The following IMMP2L variants were observed in gnomAD, a reference collection of about 807,000 sequenced individuals.
IMMP2L encodes inner mitochondrial membrane peptidase subunit 2, also known as mitochondrial inner membrane protease subunit 2.
A neutral mutation model predicts 19.3 loss-of-function variants in IMMP2L; 18 were observed. The ratio of observed to expected loss-of-function variants is 0.93; its 90% confidence interval spans 0.64 to 1.38. The LOEUF is 1.38. IMMP2L is among the 40% of genes most tolerant of loss of function. The probability of loss-of-function intolerance (pLI) is 0.00; values close to 1 mark genes in which losing one functional copy is unlikely to be tolerated. For synonymous variants in IMMP2L, 76 were observed against 73.0 expected (o/e 1.04, Z -0.21); for missense variants, 233 against 218.2 (o/e 1.07, Z -0.43).
intron 3 of IMMP2L, among the ~76,000 whole-genome samples, chr7:111,287,561 TA>T (rs1473167799): frequency 1.3e-5 from 2 of 148,740 alleles, no homozygotes; most frequent in East Asian, 4.0e-4. Flanking sequence ...AAAAAAAAAA[TA>T]AACAAACAAA....
intron 3 of IMMP2L, among the ~76,000 whole-genome samples, chr7:111,178,201 C>T (rs1807293310): frequency 6.6e-6 from 1 of 151,836 alleles, no homozygotes; most frequent in Middle Eastern, 3.2e-3. Flanking sequence ...TTTTGTTTTC[C>T]CAGTCCTTAT....
intron 3 of IMMP2L, among the ~76,000 whole-genome samples, chr7:111,111,941 TG>T (rs1470169176): frequency 1.8e-4 from 25 of 136,888 alleles, no homozygotes; most frequent in African/African-American, 4.5e-4. Flanking sequence ...ATATATAGTT[TG>T]TTTTTTTTTT....
intron 3 of IMMP2L, among the ~76,000 whole-genome samples, chr7:110,999,953 C>CAA (rs1396917509): frequency 6.6e-6 from 1 of 151,944 alleles, no homozygotes; most frequent in Non-Finnish European, 1.5e-5. Flanking sequence ...GAAACTCCCT[C>CAA]AATTGGCAGA....
intron 3 of IMMP2L, among the ~76,000 whole-genome samples, chr7:111,462,838 G>GTT (rs1475782841): frequency 2.6e-5 from 4 of 152,082 alleles, no homozygotes; most frequent in African/African-American, 7.2e-5. Context: ...TACATCAGTT[G>GTT]ATTTCTAAGG....
At chr7:110,670,163 G>A (rs1382182537) in intron 5 of IMMP2L, among the ~76,000 whole-genome samples, 1 of 152,140 alleles carries the variant, frequency 6.6e-6, no homozygotes, top group African/African-American at 2.4e-5. Context: ...ATGACACACA[G>A]AGAAACACCA....
At chr7:111,127,506 C>T (rs1393822832) in intron 3 of IMMP2L, among the ~76,000 whole-genome samples, 1 of 152,080 alleles carries the variant, frequency 6.6e-6, no homozygotes, top group Non-Finnish European at 1.5e-5. Context: ...CAAAAATATA[C>T]AGATGCTCAA....
At chr7:111,512,686 T>C (rs1209775904) in intron 2 of IMMP2L, among the ~76,000 whole-genome samples, 2 of 151,994 alleles carry the variant, frequency 1.3e-5, no homozygotes, top group African/African-American at 2.4e-5. Flanking sequence ...GCTGGAGGCA[T>C]CACACTACTT....
At chr7:111,402,991 A>ACCCCCCCC (rs781654530) in intron 3 of IMMP2L, among the ~76,000 whole-genome samples, 50 of 45,558 alleles carry the variant, frequency 1.1e-3, no homozygotes, top group African/African-American at 2.4e-3. Context: ...TGCAGCCTTG[A>ACCCCCCCC]CCCCCCCCCC....
At chr7:110,825,723 C>T (rs1160181902) in intron 5 of IMMP2L, among the ~76,000 whole-genome samples, 3 of 152,104 alleles carry the variant, frequency 2.0e-5, no homozygotes, top group Non-Finnish European at 4.4e-5. Context: ...AGACCTAAAA[C>T]CATAAAAACC....
Position 111,440,995 on chromosome 7 carries a change from A to G in IMMP2L, c.239+46243T>C, listed in dbSNP as rs372332575. On this transcript the variant is annotated intron_variant, in intron 3 of 5. Coordinates refer to ENST00000405709, the MANE Select transcript of IMMP2L (RefSeq NM_032549.4). ...TGCTAGCTTCAAACTTTTCTTCTGA[A>G]GCTTCCTCACCTTTCTCAACCTTCA... Among the ~76,000 whole-genome samples, 70 of 151,986 alleles carry G rather than the reference A, an allele frequency of 4.6e-4. 1 individual carries two copies. The highest frequency in any genetic ancestry group is 1.6e-3 in the African/African-American group (66 of 41,278).
chr7:111,002,316 C>A (rs1401423578), intron 3 of IMMP2L, among the ~76,000 whole-genome samples: 2 of 152,004 alleles, frequency 1.3e-5, no homozygotes, highest in Non-Finnish European at 2.9e-5. Context: ...CCCAGGAGAA[C>A]GAATGTGTTA....
In IMMP2L at chr7:111,331,482, T is replaced by C. The variant is rs556657931; in HGVS notation, c.239+155756A>G. ...AAATCTCAGGAGAAATATGCTTTTT[T>C]TAGTTCTATTGCACAGCATGATGAT... On this transcript the variant is annotated intron_variant, in intron 3 of 5. Transcript: ENST00000405709. Among the ~76,000 whole-genome samples, 83 of 151,958 alleles carry C rather than the reference T, an allele frequency of 5.5e-4. 1 individual carries two copies. The highest frequency in any genetic ancestry group is 1.8e-3 in the Admixed American group (28 of 15,196).
intron 5 of IMMP2L, among the ~76,000 whole-genome samples, chr7:110,883,262 C>A (rs1006533959): frequency 8.5e-5 from 13 of 152,058 alleles, no homozygotes; most frequent in Non-Finnish European, 4.4e-5. Context: ...TTTAATAATT[C>A]ATTTTCCACA....
rs115784546 is a variant in IMMP2L, at chr7:110,689,336, G to A, written c.409-25615C>T. On this transcript the variant is annotated intron_variant, in intron 5 of 5. Transcript: ENST00000405709. ...GAGATGATTAGAGTAGTATGCACAT[G>A]TTATTTTTTCCATCTATTTTCCATT... Among the ~76,000 whole-genome samples, 1,358 of 152,002 alleles carry A rather than the reference G, an allele frequency of 8.9e-3. 20 individuals carry two copies. Among genetic ancestry groups the A allele is most frequent in the African/African-American group, 0.031 (1,271 of 41,340 alleles).
chr7:111,309,327 T>C (rs543210126), intron 3 of IMMP2L, among the ~76,000 whole-genome samples: 24 of 152,098 alleles, frequency 1.6e-4, no homozygotes, highest in Non-Finnish European at 2.5e-4. Context: ...TTTTTGGAAA[T>C]AAACAAAAAT....
chr7:111,200,028 A>G (rs1809935305), intron 3 of IMMP2L, among the ~76,000 whole-genome samples: 1 of 152,096 alleles, frequency 6.6e-6, no homozygotes. Context: ...TCAGGTTTCA[A>G]TTTTATGTTG....
At chr7:111,108,283 T>A (rs2129582143) in intron 3 of IMMP2L, among the ~76,000 whole-genome samples, 1 of 152,294 alleles carries the variant, frequency 6.6e-6, no homozygotes, top group African/African-American at 2.4e-5. Flanking sequence ...TAATGTTTAT[T>A]ATTGCTCTTT....
At position 110,798,183 on chromosome 7, in the gene IMMP2L, A is replaced by C. The variant is rs1328272020; in HGVS notation, c.408+88410T>G. ...AGGACACAATTACAGGAAAAAAAAG[A>C]AAAGCACAAAATATTAAAATCTAGG... On this transcript the variant is annotated intron_variant, in intron 5 of 5. Transcript: ENST00000405709. Among the ~76,000 whole-genome samples the C allele has an allele frequency of 3.3e-5, 5 of 152,092 alleles. No individual in the cohort carries two copies. The East Asian group carries it at 9.7e-4, about 29-fold the overall frequency.
chr7:110,974,505 A>G (rs1400956104), intron 3 of IMMP2L, among the ~76,000 whole-genome samples: 2 of 152,158 alleles, frequency 1.3e-5, no homozygotes, highest in Non-Finnish European at 1.5e-5. Flanking sequence ...GAAATCAAGT[A>G]AATACTTCTC....
Sources: gnomAD v4.1 joint callset for allele counts (sites outside exome capture counted in the v4.1 genomes callset) on GRCh38, gnomAD v4.1.1 for gene constraint, MANE v1.5 for transcripts, NCBI Gene and HGNC (gene_info 2026-07-23, HGNC 2026-07-21) for gene names.